The following NCKAP5 variants were observed in gnomAD, a reference collection of about 807,000 sequenced individuals.
NCKAP5 encodes nck-associated protein 5.
Under a neutral mutation model 167.0 loss-of-function variants are expected in NCKAP5, and 92 were observed. That is an observed-to-expected ratio of 0.55 (90% confidence interval 0.47 to 0.66). NCKAP5 has a LOEUF of 0.66. Among genes scored for constraint, NCKAP5 ranks in the 30% least tolerant of loss-of-function variants. The probability of loss-of-function intolerance (pLI) is 0.00; values close to 1 mark genes in which losing one functional copy is unlikely to be tolerated. For synonymous variants in NCKAP5, 891 were observed against 877.4 expected (o/e 1.02, Z -0.27); for missense variants, 2,378 against 2,315.0 (o/e 1.03, Z -0.56).
At chr2:133,594,562 C>A in the NCKAP5 span, among the ~76,000 whole-genome samples, 4 of 152,120 alleles carry the variant, frequency 2.6e-5, no homozygotes, top group Non-Finnish European at 5.9e-5. Context: ...ACTGAGAGAA[C>A]CAGGAGGTCC....
chr2:132,919,102 C>T (rs1205777012), intron 8 of NCKAP5, among the ~76,000 whole-genome samples: 4 of 152,172 alleles, frequency 2.6e-5, no homozygotes, highest in Non-Finnish European at 4.4e-5. Flanking sequence ...TTTCCATCAA[C>T]CTAACTAACA....
At chr2:132,891,038 T>C (rs1484737463) in intron 8 of NCKAP5, among the ~76,000 whole-genome samples, 1 of 152,214 alleles carries the variant, frequency 6.6e-6, no homozygotes, top group Non-Finnish European at 1.5e-5. Context: ...AAATGAAGTC[T>C]TTGTTTAAAA....
intron 3 of NCKAP5, among the ~76,000 whole-genome samples, chr2:133,405,090 A>G (rs1206837829): frequency 6.6e-6 from 1 of 152,220 alleles, no homozygotes; most frequent in Non-Finnish European, 1.5e-5. Context: ...ATGTTTCATA[A>G]TGTCATTGCC....
the NCKAP5 span, among the ~76,000 whole-genome samples, chr2:133,673,780 C>T: frequency 3.9e-5 from 6 of 152,178 alleles, no homozygotes; most frequent in Non-Finnish European, 7.3e-5. Flanking sequence ...TAATAAAGCA[C>T]ATTTAACTGA....
intron 4 of NCKAP5, among the ~76,000 whole-genome samples, chr2:133,269,291 A>G (rs2089401955): frequency 6.6e-6 from 1 of 152,246 alleles, no homozygotes; most frequent in Non-Finnish European, 1.5e-5. Flanking sequence ...GACAAGTTAG[A>G]AAAGAGTACA....
chr2:132,807,690 A>G (rs1685543142), intron 11 of NCKAP5, among the ~76,000 whole-genome samples: 1 of 152,230 alleles, frequency 6.6e-6, no homozygotes, highest in Admixed American at 6.5e-5. Context: ...GTAAATGATC[A>G]TATTGTCAGC....
chr2:133,396,906 C>A (rs1687765869), intron 3 of NCKAP5, among the ~76,000 whole-genome samples: 1 of 152,176 alleles, frequency 6.6e-6, no homozygotes, highest in Non-Finnish European at 1.5e-5. Flanking sequence ...AATTGAAATT[C>A]AGCTCTGCCA....
chr2:132,862,406 G>A (rs1689982270), intron 10 of NCKAP5, among the ~76,000 whole-genome samples: 1 of 152,184 alleles, frequency 6.6e-6, no homozygotes, highest in African/African-American at 2.4e-5. Flanking sequence ...GCCTACAAAT[G>A]GAGAGCAGAG....
At chr2:133,095,290 G>T (rs1328965766) in intron 6 of NCKAP5, among the ~76,000 whole-genome samples, 1 of 152,222 alleles carries the variant, frequency 6.6e-6, no homozygotes, top group Admixed American at 6.5e-5. Context: ...GTATTCCATA[G>T]TATGTGGTAA....
intron 3 of NCKAP5, among the ~76,000 whole-genome samples, chr2:133,440,587 G>A (rs539296475): frequency 6.6e-6 from 1 of 151,784 alleles, no homozygotes; most frequent in Admixed American, 6.6e-5. Context: ...GCGGGCACCT[G>A]AACTCCCAGC....
chr2:133,023,475 G>A (rs2078596506), intron 6 of NCKAP5, among the ~76,000 whole-genome samples: 1 of 152,034 alleles, frequency 6.6e-6, no homozygotes, highest in Non-Finnish European at 1.5e-5. Context: ...TTTAGATTTA[G>A]GGGGTACATG....
At chr2:133,499,892 C>T (rs1338403626) in intron 3 of NCKAP5, among the ~76,000 whole-genome samples, 1 of 152,168 alleles carries the variant, frequency 6.6e-6, no homozygotes, top group African/African-American at 2.4e-5. Context: ...TTTGATTTTT[C>T]AGAAATGAAT....
In NCKAP5 at chr2:133,464,204, A is replaced by C. The variant is rs138058991; in HGVS notation, c.69+53254T>G. ...TGATTTTGAACAGAAAGACAGAAACACAGTATTCTAAGATAATCTGTACAC... is the reference window on the plus strand; with the variant it reads ...TGATTTTGAACAGAAAGACAGAAACCCAGTATTCTAAGATAATCTGTACAC... On this transcript the variant is annotated intron_variant, in intron 3 of 19. Coordinates refer to ENST00000409261, the MANE Select transcript of NCKAP5 (RefSeq NM_207363.3). Among the ~76,000 whole-genome samples, 703 of 152,340 alleles carry C rather than the reference A, an allele frequency of 4.6e-3. 5 individuals carry two copies. The highest frequency in any genetic ancestry group is 0.014 in the African/African-American group (594 of 41,580).
Position 132,782,660 on chromosome 2 carries a change from C to T in NCKAP5, c.4151G>A (p.Gly1384Glu), listed in dbSNP as rs2084342. 7 of 1,611,910 alleles carry T rather than the reference C, an allele frequency of 4.3e-6. No homozygotes were observed. Among genetic ancestry groups the T allele is most frequent in the African/African-American group, 1.3e-5 (1 of 75,004 alleles). ...GGTGAAGGCCTGCTGGTCTTCCTTT[C>T]CAGGTGGGATGAGGAGTCCCTCAGA... ...PKSEGLLIPPGKEDQQAFTQG... is the reference protein window; with the variant it reads ...PKSEGLLIPPEKEDQQAFTQG... Residue 1384 changes from glycine to glutamate, a missense_variant, in exon 14 of 20, where the codon GGA becomes GAA. Gly to Glu is a moderately conservative substitution (Grantham distance 98). Coordinates refer to ENST00000409261, the MANE Select transcript of NCKAP5 (RefSeq NM_207363.3).
chr2:132,740,185 G>A (rs1418571881), intron 16 of NCKAP5, among the ~76,000 whole-genome samples: 1 of 152,070 alleles, frequency 6.6e-6, no homozygotes, highest in Admixed American at 6.5e-5. Context: ...AGCCATAAAA[G>A]TTTCAGCCAA....
chr2:132,795,223 C>T (rs890064959), intron 12 of NCKAP5, among the ~76,000 whole-genome samples: 2 of 152,208 alleles, frequency 1.3e-5, no homozygotes, highest in Admixed American at 1.3e-4. Flanking sequence ...AATGCCAAGT[C>T]AGCCCTGTGA....
chr2:132,896,799 C>T (rs1023631671), intron 8 of NCKAP5, among the ~76,000 whole-genome samples: 1 of 152,136 alleles, frequency 6.6e-6, no homozygotes, highest in Non-Finnish European at 1.5e-5. Context: ...ATCCAGAGAC[C>T]TGGCTTTTTA....
intron 5 of NCKAP5, among the ~76,000 whole-genome samples, chr2:133,158,032 C>A (rs371281911): frequency 6.6e-6 from 1 of 152,130 alleles, no homozygotes; most frequent in Non-Finnish European, 1.5e-5. Context: ...TATATTTCAA[C>A]TAAAGGGTAG....
chr2:133,029,967 T>C (rs149918662), intron 6 of NCKAP5, among the ~76,000 whole-genome samples: 2 of 152,298 alleles, frequency 1.3e-5, no homozygotes, highest in African/African-American at 2.4e-5. Context: ...CCTGGTAAGA[T>C]TGGCTGCCCA....
Sources: gnomAD v4.1 joint callset for allele counts (sites outside exome capture counted in the v4.1 genomes callset) on GRCh38, gnomAD v4.1.1 for gene constraint, MANE v1.5 for transcripts, NCBI Gene and HGNC (gene_info 2026-07-23, HGNC 2026-07-21) for gene names.